The following ZNF560 variants were observed in gnomAD, a reference collection of about 807,000 sequenced individuals.
ZNF560 encodes the protein zinc finger protein 560.
Under a neutral mutation model 81.8 loss-of-function variants are expected in ZNF560, and 54 were observed. The observed-to-expected ratio is 0.66, with a 90% CI of 0.53 to 0.83. ZNF560 has a LOEUF of 0.83. Among genes scored for constraint, ZNF560 ranks in the 40% least tolerant of loss-of-function variants. The pLI is 0.00. For missense variants in ZNF560, 940 were observed against 932.4 expected, an observed-to-expected ratio of 1.01 and a Z score of -0.11; for synonymous variants, 321 against 317.9, an observed-to-expected ratio of 1.01 and a Z score of -0.10.
At chr19:9,491,112 GGTTTT>G (rs1314548155) in intron 2 of ZNF560, among the ~76,000 whole-genome samples, 1 of 151,956 alleles carries the variant, frequency 6.6e-6, no homozygotes, top group Non-Finnish European at 1.5e-5. Flanking sequence ...AAACAAAGTT[GGTTTT>G]GTTTTGTTTT....
chr19:9,494,958 G>A (rs2073534243), intron 2 of ZNF560, among the ~76,000 whole-genome samples: 1 of 151,918 alleles, frequency 6.6e-6, no homozygotes, highest in African/African-American at 2.4e-5. Flanking sequence ...AAACCTGCTG[G>A]TAGATTCTAG....
At chr19:9,487,600 G>C (rs1430423687) in intron 2 of ZNF560, among the ~76,000 whole-genome samples, 1 of 152,190 alleles carries the variant, frequency 6.6e-6, no homozygotes. Flanking sequence ...AGGAGGCTCT[G>C]ACAAGCATGT....
intron 2 of ZNF560, among the ~76,000 whole-genome samples, chr19:9,495,758 C>T (rs2073548157): frequency 6.6e-6 from 1 of 152,126 alleles, no homozygotes; most frequent in Non-Finnish European, 1.5e-5. Flanking sequence ...CACTATACTT[C>T]TGAAAATATA....
chr19:9,450,781 C>T, the ZNF560 span, among the ~76,000 whole-genome samples: 1 of 152,172 alleles, frequency 6.6e-6, no homozygotes, highest in Non-Finnish European at 1.5e-5. Flanking sequence ...CAGTCTGCCT[C>T]AGCCTCCCAA....
chr19:9,475,262 G>A, intron 3 of ZNF560, 22 bp downstream of exon 3: 3 of 1,612,470 alleles, frequency 1.9e-6, no homozygotes, highest in Non-Finnish European at 2.5e-6. Context: ...TCATTTTGTG[G>A]AAGTATACAT....
chr19:9,477,075 G>T (rs148448109), intron 2 of ZNF560, among the ~76,000 whole-genome samples: 1 of 152,126 alleles, frequency 6.6e-6, no homozygotes, highest in East Asian at 1.9e-4. Context: ...AATCTTTACT[G>T]CTGGTGATAT....
chr19:9,469,333 T>G (rs1415559656), intron 8 of ZNF560, 146 bp from the exon 9 acceptor site: 1 of 676,358 alleles, frequency 1.5e-6, no homozygotes, highest in Non-Finnish European at 2.5e-6. Flanking sequence ...AAACAACTTA[T>G]TCTATGAAAA....
At chr19:9,484,475 C>A (rs12459594) in intron 2 of ZNF560, among the ~76,000 whole-genome samples, 22,792 of 151,796 alleles carry the variant, frequency 0.15, 2,557 homozygotes, top group African/African-American at 0.31. Context: ...AGAAGCATAA[C>A]ATATCTCATT....
At chr19:9,462,886 A>G (rs1469474365), downstream of ZNF560, among the ~76,000 whole-genome samples, 2 of 152,210 alleles carry the variant, frequency 1.3e-5, no homozygotes, top group Admixed American at 1.3e-4. Flanking sequence ...GAATCAGGGA[A>G]AAGCATTCAA....
chr19:9,498,910 G>A (rs984023371), upstream of ZNF560: 1 of 152,282 alleles, frequency 6.6e-6, no homozygotes, highest in African/African-American at 2.4e-5. Flanking sequence ...GAAACGTCGG[G>A]CGATGGACTC....
chr19:9,499,155 T>C (rs2073609622), upstream of ZNF560, among the ~76,000 whole-genome samples: 1 of 152,140 alleles, frequency 6.6e-6, no homozygotes, highest in African/African-American at 2.4e-5. Context: ...AATTTTTTTC[T>C]TTTCTTTCTT....
chr19:9,467,260 A>C lies in ZNF560; in HGVS notation c.1687T>G (p.Leu563Val). 1 of 1,613,852 alleles carries C rather than the reference A, an allele frequency of 6.2e-7. No individual in the cohort carries two copies. Among genetic ancestry groups the C allele is most frequent in the South Asian group, 1.1e-5 (1 of 91,054 alleles). ...GGTTTCTCTCCAGCGTGTGTTCGTA[A>C]ATGTTTGGTAAGATATGAGCACTTA... is the stretch of plus-strand genomic sequence containing the variant. ...FTKCSYLTKHLRTHAGEKPYE... is the reference protein window; with the variant it reads ...FTKCSYLTKHVRTHAGEKPYE... Residue 563 changes from leucine to valine, a missense_variant, in exon 10 of 10, where the codon TTA (leucine) becomes GTA (valine). By Grantham distance (32) the Leu-to-Val change is conservative. Coordinates refer to ENST00000301480, the MANE Select transcript of ZNF560 (RefSeq NM_152476.3).
At position 9,475,201 on chromosome 19, in the gene ZNF560, G is replaced by A. The variant is rs952712491; in HGVS notation, c.30+83C>T. 8.3e-6 allele frequency: 12 copies of A among 1,450,252 alleles called. No individual in the cohort carries two copies. In the Admixed American group the frequency reaches 1.9e-4, roughly 23 times the overall value. The allele number at this position is 1,450,252 out of a possible 1,614,324, so 89.8% of individuals were successfully genotyped here. A position where few individuals can be genotyped will look rare whatever the true frequency, so the allele number is the denominator to read the frequency against. ...GTCTTTATTTACTTAAAGAAGCTCT[G>A]GAGACACATCTGCCTAGAAGGAAAT... On this transcript the variant is annotated intron_variant, in intron 3 of 9. Coordinates refer to ENST00000301480, the MANE Select transcript of ZNF560 (RefSeq NM_152476.3).
At chr19:9,502,168 G>GA (rs144067150), upstream of ZNF560, among the ~76,000 whole-genome samples, 58 of 147,810 alleles carry the variant, frequency 3.9e-4, 1 homozygote, top group South Asian at 4.3e-4. Flanking sequence ...AAGAAAAAAA[G>GA]AAAAAAAAAA....
In ZNF560 at chr19:9,497,720, T is replaced by A. The variant is rs79706548; in HGVS notation, c.-57+408A>T. Among the ~76,000 whole-genome samples the A allele has an allele frequency of 2.5e-3, 387 of 152,174 alleles. 2 individuals are homozygous for A. Among genetic ancestry groups the A allele is most frequent in the African/African-American group, 9.1e-3 (377 of 41,512 alleles). On this transcript the variant is annotated intron_variant, in intron 2 of 9. Coordinates refer to ENST00000301480, the MANE Select transcript of ZNF560 (RefSeq NM_152476.3). Reference sequence around the variant, plus strand: ...GGTCAACATACCCATAGGTTTAAGTTTTTTCGAAAAAAAATGCGGGAAAAA... The same window carrying A: ...GGTCAACATACCCATAGGTTTAAGTATTTTCGAAAAAAAATGCGGGAAAAA...
upstream of ZNF560, among the ~76,000 whole-genome samples, chr19:9,501,162 T>A (rs1453196692): frequency 1.4e-5 from 2 of 144,566 alleles, no homozygotes; most frequent in Non-Finnish European, 3.0e-5. Context: ...TTAGCTTTTT[T>A]TTTTTTTTTT....
downstream of ZNF560, among the ~76,000 whole-genome samples, chr19:9,463,972 T>C (rs996847540): frequency 6.6e-6 from 1 of 152,184 alleles, no homozygotes; most frequent in Non-Finnish European, 1.5e-5. Context: ...CATAAGCTAT[T>C]ACACCCAGCT....
intron 6 of ZNF560, 116 bp downstream of exon 6, chr19:9,471,180 G>T: frequency 1.5e-6 from 1 of 668,152 alleles, no homozygotes; most frequent in Non-Finnish European, 2.4e-6. Context: ...CAGAGACATT[G>T]CTCCCTCTTG....
the ZNF560 span, among the ~76,000 whole-genome samples, chr19:9,457,326 T>G: frequency 6.6e-6 from 1 of 152,230 alleles, no homozygotes; most frequent in Admixed American, 6.5e-5. Flanking sequence ...TTTAAAAGAC[T>G]TGTTTCTTTA....
Sources: gnomAD v4.1 joint callset for allele counts (sites outside exome capture counted in the v4.1 genomes callset) on GRCh38, gnomAD v4.1.1 for gene constraint, MANE v1.5 for transcripts, NCBI Gene and HGNC (gene_info 2026-07-23, HGNC 2026-07-21) for gene names.